Variants in MYO1B observed in about 807,000 individuals in gnomAD.
MYO1B encodes myosin IB.
Under a neutral mutation model 159.7 loss-of-function variants are expected in MYO1B, and 72 were observed. The observed-to-expected ratio is 0.45, with a 90% CI of 0.37 to 0.55. MYO1B has a LOEUF of 0.55. Among genes scored for constraint, MYO1B ranks in the 20% least tolerant of loss-of-function variants. MYO1B has a pLI of 0.00. For synonymous variants in MYO1B, 468 were observed against 473.8 expected (o/e 0.99, Z 0.16); for missense variants, 1,062 against 1,364.8 (o/e 0.78, Z 3.50).
chr2:191,401,054 G>A (rs185529816), intron 23 of MYO1B, among the ~76,000 whole-genome samples: 1 of 152,074 alleles, frequency 6.6e-6, no homozygotes, highest in Non-Finnish European at 1.5e-5. Flanking sequence ...TACTAAAAAG[G>A]CACTAGTATC....
chr2:191,364,144 C>T lies in MYO1B; in HGVS notation c.914-14C>T, dbSNP rs373197031. 1.9e-6 allele frequency: 3 copies of T among 1,606,468 alleles called. No homozygotes were observed. Among genetic ancestry groups the T allele is most frequent in the Admixed American group, 1.7e-5 (1 of 59,996 alleles). On this transcript the variant is annotated splice_polypyrimidine_tract_variant and intron_variant, in intron 10 of 30. Coordinates refer to ENST00000392318, the MANE Select transcript of MYO1B (RefSeq NM_001130158.3). ...TACAGTCACTTTTTGTGTCCATCCC[C>T]TGCCTTCCCACAGAGTTAAAAGAAA...
intron 27 of MYO1B, among the ~76,000 whole-genome samples, chr2:191,413,501 A>G (rs928643371): frequency 5.3e-5 from 8 of 152,212 alleles, no homozygotes; most frequent in Non-Finnish European, 8.8e-5. Flanking sequence ...ACATGTTAAT[A>G]TTAAGTGTTC....
In MYO1B at chr2:191,385,894, G is replaced by A. The variant is rs1695373447; in HGVS notation, c.1364G>A (p.Gly455Glu). ...TTTCCGTTTTCCCAGAACACAAATG[G>A]AATCCTGGCCATGCTGGATGAAGAG... ...ICDLIENNTNGILAMLDEECL... is the reference protein window; with the variant it reads ...ICDLIENNTNEILAMLDEECL... Residue 455 changes from glycine to glutamate, a missense_variant, in exon 16 of 31, where the codon GGA becomes GAA. By Grantham distance (98) the Gly-to-Glu change is moderately conservative. Transcript: ENST00000392318. 2 of 1,613,788 alleles carry A rather than the reference G, an allele frequency of 1.2e-6. No individual in the cohort carries two copies. The highest frequency in any genetic ancestry group is 3.3e-5 in the Admixed American group (2 of 59,964).
intron 21 of MYO1B, among the ~76,000 whole-genome samples, chr2:191,397,853 G>A (rs534710565): frequency 9.7e-5 from 14 of 143,692 alleles, no homozygotes; most frequent in South Asian, 2.3e-4. Context: ...CAGACGGGGC[G>A]GCTGGCCAGG....
chr2:191,327,091 TA>T (rs926595386), intron 3 of MYO1B, among the ~76,000 whole-genome samples: 3 of 152,254 alleles, frequency 2.0e-5, no homozygotes, highest in Middle Eastern at 3.4e-3. Context: ...GGAAGGCTCA[TA>T]AAAAAATCTA....
chr2:191,246,699 G>A (rs1353950245), intron 1 of MYO1B, among the ~76,000 whole-genome samples: 2 of 152,236 alleles, frequency 1.3e-5, no homozygotes, highest in East Asian at 1.9e-4. Flanking sequence ...CAATTTTGAC[G>A]TAAAATTGTT....
chr2:191,312,934 G>A (rs1690094124), intron 3 of MYO1B, among the ~76,000 whole-genome samples: 1 of 152,078 alleles, frequency 6.6e-6, no homozygotes. Flanking sequence ...CCCACCTATT[G>A]GAAATGAAAC....
intron 3 of MYO1B, among the ~76,000 whole-genome samples, chr2:191,304,324 A>G (rs770432800): frequency 6.6e-6 from 1 of 152,208 alleles, no homozygotes. Context: ...TAATCGCAGC[A>G]CTTTGGGAAG....
At chr2:191,298,216 A>G (rs564883633) in intron 3 of MYO1B, among the ~76,000 whole-genome samples, 1 of 152,370 alleles carries the variant, frequency 6.6e-6, no homozygotes, top group African/African-American at 2.4e-5. Flanking sequence ...TTATTAATGA[A>G]TAAATCTGCT....
At chr2:191,419,667 G>A (rs1697817355) in intron 30 of MYO1B, among the ~76,000 whole-genome samples, 1 of 152,140 alleles carries the variant, frequency 6.6e-6, no homozygotes, top group Admixed American at 6.5e-5. Context: ...TATTACCCCT[G>A]AAGACTTTCC....
At chr2:191,308,872 T>C (rs1381919988) in intron 3 of MYO1B, among the ~76,000 whole-genome samples, 1 of 152,186 alleles carries the variant, frequency 6.6e-6, no homozygotes, top group Non-Finnish European at 1.5e-5. Flanking sequence ...CCTTTTAAAA[T>C]TTGGCTTTCT....
intron 7 of MYO1B, 171 bp downstream of exon 7, chr2:191,350,396 T>C (rs1692834932): frequency 2.3e-6 from 1 of 437,100 alleles, no homozygotes; most frequent in Non-Finnish European, 4.0e-6. Context: ...ATGTAATTTA[T>C]AAATCTTTTT....
chr2:191,255,564 A>G (rs540318630), intron 1 of MYO1B, among the ~76,000 whole-genome samples: 36 of 152,358 alleles, frequency 2.4e-4, no homozygotes, highest in African/African-American at 8.7e-4. Flanking sequence ...TGAATGACAC[A>G]AAGATGGGAA....
chr2:191,308,355 C>T (rs1306029087), intron 3 of MYO1B, among the ~76,000 whole-genome samples: 5 of 152,156 alleles, frequency 3.3e-5, no homozygotes, highest in Non-Finnish European at 7.4e-5. Flanking sequence ...CTGAAATACT[C>T]GAATCCTGGC....
chr2:191,272,867 G>T (rs1001534414), intron 1 of MYO1B, among the ~76,000 whole-genome samples: 1 of 152,178 alleles, frequency 6.6e-6, no homozygotes, highest in Admixed American at 6.5e-5. Flanking sequence ...CTGTGCCTTA[G>T]ATCAGCCAGT....
At chr2:191,397,743 G>A (rs1696223642) in intron 21 of MYO1B, among the ~76,000 whole-genome samples, 6 of 144,982 alleles carry the variant, frequency 4.1e-5, no homozygotes, top group Admixed American at 3.4e-4. Flanking sequence ...CGGGCAGAGG[G>A]GCTCCTCACT....
chr2:191,312,177 T>C (rs935414392), intron 3 of MYO1B, among the ~76,000 whole-genome samples: 2 of 152,254 alleles, frequency 1.3e-5, no homozygotes, highest in African/African-American at 4.8e-5. Flanking sequence ...TAATTAAAAA[T>C]TCTGGCTGTG....
At chr2:191,257,940 TTTAAGGAAGTCTGGGACAA>T (rs1686556875) in intron 1 of MYO1B, among the ~76,000 whole-genome samples, 1 of 152,254 alleles carries the variant, frequency 6.6e-6, no homozygotes, top group African/African-American at 2.4e-5. Flanking sequence ...CTTTTTCTGC[TTTAAGGAAGTCTGGGACAA>T]TTACAGTAAA....
chr2:191,260,888 TC>T (rs1458677341), intron 1 of MYO1B, among the ~76,000 whole-genome samples: 1 of 152,214 alleles, frequency 6.6e-6, no homozygotes, highest in Non-Finnish European at 1.5e-5. Flanking sequence ...TATATTTGGA[TC>T]AGAATAAATA....
Sources: allele counts gnomAD v4.1 joint callset (sites outside exome capture counted in the v4.1 genomes callset), GRCh38; gene constraint gnomAD v4.1.1; transcripts MANE v1.5; gene names NCBI Gene and HGNC (gene_info 2026-07-23, HGNC 2026-07-21).